SHLD1: variants seen among roughly 807,000 people sequenced by gnomAD.
The protein encoded by SHLD1 is shieldin complex subunit 1, also known as RINN1-REV7-interacting novel NHEJ regulator 3.
A neutral mutation model predicts 5.5 loss-of-function variants in SHLD1; 3 were observed. That is an observed-to-expected ratio of 0.54 (90% confidence interval 0.25 to 1.40). The LOEUF (loss-of-function observed/expected upper bound fraction) is 1.40. SHLD1 is among the 40% of genes most tolerant of loss of function. The probability of loss-of-function intolerance (pLI) is 0.15; values close to 1 mark genes in which losing one functional copy is unlikely to be tolerated. For synonymous variants in SHLD1, 92 were observed against 94.3 expected (o/e 0.98, Z 0.14); for missense variants, 210 against 244.4 (o/e 0.86, Z 0.94).
chr20:5,791,285 T>G (rs928367170), intron 2 of SHLD1, among the ~76,000 whole-genome samples: 3 of 151,334 alleles, frequency 2.0e-5, no homozygotes, highest in African/African-American at 7.3e-5. Context: ...AGCAAGTCAG[T>G]TGGGCACAGT....
At chr20:5,780,059 A>G (rs1985621754) in intron 2 of SHLD1, among the ~76,000 whole-genome samples, 1 of 147,282 alleles carries the variant, frequency 6.8e-6, no homozygotes, top group South Asian at 2.1e-4. Context: ...GCTCACTGCA[A>G]CCTCTGCTTC....
intron 1 of SHLD1, among the ~76,000 whole-genome samples, chr20:5,764,175 T>TATA (rs1491357373): frequency 7.0e-4 from 54 of 76,934 alleles, no homozygotes; most frequent in African/African-American, 1.8e-3. Flanking sequence ...TATATATATA[T>TATA]TTTTATATAT....
At chr20:5,821,099 A>G (rs2087600492) in intron 2 of SHLD1, among the ~76,000 whole-genome samples, 1 of 152,260 alleles carries the variant, frequency 6.6e-6, no homozygotes, top group South Asian at 2.1e-4. Context: ...TGCTTAATCA[A>G]CTGAGAAAAT....
intron 2 of SHLD1, among the ~76,000 whole-genome samples, chr20:5,798,362 G>T (rs1211619340): frequency 6.6e-6 from 1 of 151,922 alleles, no homozygotes; most frequent in Non-Finnish European, 1.5e-5. Context: ...GAGTGCAGTG[G>T]CGTGATCTCG....
intron 1 of SHLD1, among the ~76,000 whole-genome samples, chr20:5,752,123 C>T: frequency 6.6e-6 from 1 of 152,082 alleles, no homozygotes; most frequent in South Asian, 2.1e-4. Flanking sequence ...GGGCTGGGCT[C>T]CATGGCTCAC....
rs1057309191 is a variant in SHLD1, at chr20:5,855,809, A to G, written c.179-7215A>G. The stretch of plus-strand genomic sequence containing the variant: ...TGGTAAACTGAATTATTGTTCACCA[A>G]TATTCTCTGCCTCTCCCTACAGGAT... On this transcript the variant is annotated intron_variant, in intron 2 of 2. Transcript: ENST00000303142. This position sits in a 1 kb window ranked among gnomAD's most constrained non-coding sequence, Gnocchi z 4.4. Among the ~76,000 whole-genome samples, 1 of 152,244 alleles carries G rather than the reference A, an allele frequency of 6.6e-6. No individual in the cohort carries two copies. Among genetic ancestry groups the G allele is most frequent in the Admixed American group, 6.5e-5 (1 of 15,284 alleles).
At chr20:5,774,252 A>G (rs373401594) in intron 2 of SHLD1, among the ~76,000 whole-genome samples, 4 of 152,122 alleles carry the variant, frequency 2.6e-5, no homozygotes, top group African/African-American at 4.8e-5. Flanking sequence ...ATCCAAATAT[A>G]TATTTTTAGA....
intron 2 of SHLD1, among the ~76,000 whole-genome samples, chr20:5,845,301 A>G (rs368019144): frequency 6.6e-6 from 1 of 152,196 alleles, no homozygotes; most frequent in Non-Finnish European, 1.5e-5. Flanking sequence ...CAAGAGCCCT[A>G]TGAGGTAGGA....
intron 2 of SHLD1, among the ~76,000 whole-genome samples, chr20:5,844,629 A>G (rs546994252): frequency 2.0e-5 from 3 of 152,056 alleles, no homozygotes; most frequent in Non-Finnish European, 4.4e-5. Context: ...AATGTTCACT[A>G]TGATTCATCC....
At chr20:5,862,423 C>T (rs73596893) in intron 2 of SHLD1, among the ~76,000 whole-genome samples, 2,928 of 152,298 alleles carry the variant, frequency 0.019, 108 homozygotes, top group African/African-American at 0.067. Context: ...GAGAACCTAC[C>T]AAGGAAAACA....
At chr20:5,773,473 T>C in intron 2 of SHLD1, 1 of 300,084 alleles carries the variant, frequency 3.3e-6, no homozygotes. Context: ...TGCTGTGGAT[T>C]TAAGTAACAA....
chr20:5,824,361 C>T (rs1396069632), intron 2 of SHLD1, among the ~76,000 whole-genome samples: 1 of 152,184 alleles, frequency 6.6e-6, no homozygotes, highest in Non-Finnish European at 1.5e-5. Context: ...GCTCTCTATC[C>T]CCTTCCTCTA....
rs1173796626 is a variant in SHLD1 at position 5,864,304 on chromosome 20, A to G, written c.*841A>G. ...AGGTAACAAATGTGCACCACCCACC[A>G]CAGTATATGTAAGCACAATTATGCT... On this transcript the variant is annotated 3_prime_UTR_variant, in exon 3 of 3. Coordinates refer to ENST00000303142, the MANE Select transcript of SHLD1 (RefSeq NM_152504.4). Among the ~76,000 whole-genome samples, 4 of 152,238 alleles carry G rather than the reference A, an allele frequency of 2.6e-5. No homozygotes were observed. The highest frequency in any genetic ancestry group is 1.3e-4 in the Admixed American group (2 of 15,288).
intron 2 of SHLD1, among the ~76,000 whole-genome samples, chr20:5,779,595 T>A (rs1428159434): frequency 6.6e-6 from 1 of 152,170 alleles, no homozygotes; most frequent in East Asian, 1.9e-4. Context: ...TCTTAACACC[T>A]CCAGTTCCCA....
upstream of SHLD1, chr20:5,750,365 C>G (rs1474234125): frequency 6.6e-6 from 1 of 151,982 alleles, no homozygotes; most frequent in Admixed American, 6.6e-5. Flanking sequence ...TCGAACCTCA[C>G]ATTTCCCATA....
At chr20:5,820,838 G>C (rs557154143) in intron 2 of SHLD1, among the ~76,000 whole-genome samples, 38 of 152,326 alleles carry the variant, frequency 2.5e-4, no homozygotes, top group Middle Eastern at 3.4e-3. Flanking sequence ...TCTGGAGAAA[G>C]AGACCAGGGA....
chr20:5,750,695 G>A (rs1657120244), intron 1 of SHLD1, among the ~76,000 whole-genome samples: 1 of 151,686 alleles, frequency 6.6e-6, no homozygotes, highest in South Asian at 2.1e-4. Context: ...GTATGGATAA[G>A]CTTCGGTTTT....
intron 2 of SHLD1, among the ~76,000 whole-genome samples, chr20:5,821,698 CATG>C (rs2122413555): frequency 6.6e-6 from 1 of 152,254 alleles, no homozygotes; most frequent in South Asian, 2.1e-4. Context: ...CAGGGTCTGT[CATG>C]AGGTGGCCGC....
chr20:5,862,389 A>G (rs2088175024), intron 2 of SHLD1, among the ~76,000 whole-genome samples: 1 of 152,204 alleles, frequency 6.6e-6, no homozygotes, highest in Non-Finnish European at 1.5e-5. Context: ...GTCCTTGAGA[A>G]CCCAGACATC....
Sources: allele counts gnomAD v4.1 joint callset (sites outside exome capture counted in the v4.1 genomes callset), GRCh38; gene constraint gnomAD v4.1.1; non-coding constraint Gnocchi (gnomAD v3.1); transcripts MANE v1.5; gene names NCBI Gene and HGNC (gene_info 2026-07-23, HGNC 2026-07-21).